The following SSBP2 variants were observed in gnomAD, a reference collection of about 807,000 sequenced individuals.
SSBP2 encodes the protein single-stranded DNA-binding protein 2.
SSBP2 carries 17 observed loss-of-function variants against 61.8 expected under a neutral mutation model. That is an observed-to-expected ratio of 0.28 (90% CI 0.19 to 0.41). SSBP2 has a LOEUF of 0.41. Among genes scored for constraint, SSBP2 ranks in the 10% least tolerant of loss-of-function variants. The pLI is 1.00. For missense variants in SSBP2, 310 were observed against 458.7 expected (o/e 0.68, Z 2.96); for synonymous variants, 139 against 141.3 (o/e 0.98, Z 0.12).
intron 1 of SSBP2, among the ~76,000 whole-genome samples, chr5:81,674,539 A>T (rs1423240731): frequency 1.3e-5 from 2 of 152,222 alleles, no homozygotes; most frequent in African/African-American, 4.8e-5. Flanking sequence ...ATCATTAAAC[A>T]GTAAGAGGTA....
chr5:81,463,460 G>A (rs1004237127), intron 9 of SSBP2, among the ~76,000 whole-genome samples: 1 of 152,128 alleles, frequency 6.6e-6, no homozygotes, highest in Non-Finnish European at 1.5e-5. Context: ...AAAGCTTTGC[G>A]AGGCCGAGGC....
chr5:81,479,313 C>T (rs746999134), intron 6 of SSBP2, among the ~76,000 whole-genome samples: 7 of 151,890 alleles, frequency 4.6e-5, no homozygotes, highest in Admixed American at 1.3e-4. Flanking sequence ...TTTTTTGAGA[C>T]GGTGTCTCGC....
intron 5 of SSBP2, among the ~76,000 whole-genome samples, chr5:81,506,771 G>A (rs1380132148): frequency 6.6e-6 from 1 of 152,004 alleles, no homozygotes; most frequent in African/African-American, 2.4e-5. Context: ...TCAAAATGCA[G>A]AATTTATTTC....
chr5:81,563,127 T>G (rs940343781), intron 4 of SSBP2, among the ~76,000 whole-genome samples: 1 of 152,082 alleles, frequency 6.6e-6, no homozygotes, highest in African/African-American at 2.4e-5. Flanking sequence ...ATTTCAAGAT[T>G]TACTATAAAG....
chr5:81,717,529 T>G (rs1755242951), intron 1 of SSBP2, among the ~76,000 whole-genome samples: 1 of 152,142 alleles, frequency 6.6e-6, no homozygotes. Context: ...TCCAGACCCA[T>G]TAACTTACCT....
chr5:81,473,055 G>A (rs1224638843), intron 8 of SSBP2, among the ~76,000 whole-genome samples: 1 of 152,200 alleles, frequency 6.6e-6, no homozygotes, highest in Non-Finnish European at 1.5e-5. Context: ...AGTATGGTTT[G>A]TTGTTATACC....
In SSBP2 at chr5:81,445,541, G is replaced by C. The variant is rs144394468; in HGVS notation, c.778+1327C>G. On this transcript the variant is annotated intron_variant, in intron 12 of 16. Transcript: ENST00000320672. ...GATCAGTTGATATAATTCTATCTTCGATGAATTGTATCATTTTCAATGAAG... is the reference window on the plus strand; with the variant it reads ...GATCAGTTGATATAATTCTATCTTCCATGAATTGTATCATTTTCAATGAAG... Among the ~76,000 whole-genome samples the C allele has an allele frequency of 8.6e-5, 13 of 151,976 alleles. No homozygotes were observed. In the South Asian group the frequency reaches 2.5e-3, roughly 29 times the overall value.
chr5:81,498,346 T>C (rs1415515500), intron 5 of SSBP2, among the ~76,000 whole-genome samples: 1 of 152,098 alleles, frequency 6.6e-6, no homozygotes, highest in Admixed American at 6.5e-5. Flanking sequence ...ACTACGTATA[T>C]ACCAAATCTA....
intron 2 of SSBP2, among the ~76,000 whole-genome samples, chr5:81,645,134 T>C (rs886831279): frequency 1.1e-4 from 17 of 152,224 alleles, no homozygotes; most frequent in Admixed American, 6.5e-5. Context: ...ACAATTATCA[T>C]CATCTTATAA....
intron 1 of SSBP2, among the ~76,000 whole-genome samples, chr5:81,652,286 G>A (rs1489955160): frequency 6.6e-6 from 1 of 151,970 alleles, no homozygotes; most frequent in African/African-American, 2.4e-5. Context: ...TCATATTAAC[G>A]GGGGTAATAT....
chr5:81,442,291 C>CAA (rs1037639540), intron 13 of SSBP2, among the ~76,000 whole-genome samples: 1 of 151,258 alleles, frequency 6.6e-6, no homozygotes, highest in Non-Finnish European at 1.5e-5. Context: ...TTTATCAGGA[C>CAA]AAAAAAAGAT....
intron 1 of SSBP2, among the ~76,000 whole-genome samples, chr5:81,695,533 T>C (rs1753541430): frequency 7.5e-6 from 1 of 133,234 alleles, no homozygotes; most frequent in Non-Finnish European, 1.5e-5. Flanking sequence ...CGGTGTGTGA[T>C]GTTCCCTGCC....
intron 4 of SSBP2, among the ~76,000 whole-genome samples, chr5:81,612,349 T>C (rs909930393): frequency 6.6e-6 from 1 of 152,134 alleles, no homozygotes; most frequent in Non-Finnish European, 1.5e-5. Flanking sequence ...TAGTTTCCCA[T>C]CTCAGAAGAG....
chr5:81,450,185 G>A (rs1030108631), intron 10 of SSBP2, among the ~76,000 whole-genome samples: 1 of 151,982 alleles, frequency 6.6e-6, no homozygotes, highest in Non-Finnish European at 1.5e-5. Context: ...GTGCTCCACT[G>A]GCTAATTTTT....
rs1280091022 is a variant in SSBP2 at position 81,416,741 on chromosome 5, A to G, written c.*3763T>C. On this transcript the variant is annotated 3_prime_UTR_variant, in exon 17 of 17. Transcript: ENST00000320672. The stretch of plus-strand genomic sequence containing the variant: ...AAATGCAATGGAGTTCAGATATCTT[A>G]GAGAATCATAAAAATAGAAATGGAA... 6.6e-6 allele frequency: 1 copy of G among 152,242 alleles called. No homozygotes were observed. The highest frequency in any genetic ancestry group is 2.4e-5 in the African/African-American group (1 of 41,468). The allele number at this position is 152,242 out of a possible 1,614,324, so 9.4% of individuals were successfully genotyped here.
At chr5:81,708,758 A>G (rs1754571681) in intron 1 of SSBP2, among the ~76,000 whole-genome samples, 1 of 152,026 alleles carries the variant, frequency 6.6e-6, no homozygotes, top group Non-Finnish European at 1.5e-5. Flanking sequence ...TTTCAGCTAA[A>G]GACTTTTCCA....
intron 10 of SSBP2, among the ~76,000 whole-genome samples, chr5:81,450,029 C>T (rs529401793): frequency 4.9e-4 from 74 of 152,176 alleles, no homozygotes; most frequent in Non-Finnish European, 8.7e-4. Flanking sequence ...ATCCATCCTC[C>T]GCTTCTCATT....
intron 4 of SSBP2, among the ~76,000 whole-genome samples, chr5:81,588,505 C>T (rs1775247129): frequency 6.6e-6 from 1 of 151,872 alleles, no homozygotes; most frequent in Non-Finnish European, 1.5e-5. Flanking sequence ...ACAATTCAGC[C>T]AAGATGTTCA....
chr5:81,720,772 T>C (rs192795816), intron 1 of SSBP2, among the ~76,000 whole-genome samples: 26 of 152,322 alleles, frequency 1.7e-4, no homozygotes, highest in East Asian at 1.5e-3. Context: ...TACGGAACAG[T>C]AGATATTTAA....
Sources: gnomAD v4.1 joint callset for allele counts (sites outside exome capture counted in the v4.1 genomes callset) on GRCh38, gnomAD v4.1.1 for gene constraint, MANE v1.5 for transcripts, NCBI Gene and HGNC (gene_info 2026-07-23, HGNC 2026-07-21) for gene names.